The following BMPER variants were observed in gnomAD, a reference collection of about 807,000 sequenced individuals.
BMPER encodes BMP-binding endothelial regulator protein.
In BMPER, 45 loss-of-function variants were observed where a neutral mutation model predicts 87.3. That is an observed-to-expected ratio of 0.52 (90% CI 0.41 to 0.66). BMPER has a LOEUF of 0.66. Among genes scored for constraint, BMPER ranks in the 30% least tolerant of loss-of-function variants. The pLI, the probability that BMPER is intolerant of heterozygous loss-of-function variation, is 0.00. For synonymous variants in BMPER, 326 were observed against 316.2 expected (o/e 1.03, Z -0.33); for missense variants, 784 against 867.5 (o/e 0.90, Z 1.21).
intron 13 of BMPER, among the ~76,000 whole-genome samples, chr7:34,118,883 T>G (rs1790184658): frequency 6.6e-6 from 1 of 152,052 alleles, no homozygotes; most frequent in South Asian, 2.1e-4. Context: ...AAATGCAGCG[T>G]CACCTCTTGC....
intron 6 of BMPER, among the ~76,000 whole-genome samples, chr7:34,008,297 CAT>C (rs1562686202): frequency 6.6e-6 from 1 of 152,038 alleles, no homozygotes; most frequent in East Asian, 1.9e-4. Context: ...CCTTTTGTGA[CAT>C]GTGTGACATT....
At position 34,079,090 on chromosome 7, in the gene BMPER, G is replaced by A. The variant is rs373894849; in HGVS notation, c.1312G>A (p.Val438Met). Residue 438 changes from valine (V) to methionine (M), a missense_variant, in exon 12 of 15, where the codon GTG becomes ATG. Transcript: ENST00000649409. The part of the protein sequence containing the change: ...SRVSLQQHLT[V>M]RWNGSRIALP... Reference sequence around the variant, plus strand: ...GGTCAGCCTGCAGCAGCACCTCACCGTGCGCTGGAACGGCTCGCGCATCGC... The same window carrying A: ...GGTCAGCCTGCAGCAGCACCTCACCATGCGCTGGAACGGCTCGCGCATCGC... The A allele has an allele frequency of 1.2e-6, 2 of 1,613,988 alleles. No individual in the cohort carries two copies. Among genetic ancestry groups the A allele is most frequent in the African/African-American group, 1.3e-5 (1 of 75,036 alleles).
intron 2 of BMPER, 38 bp downstream of exon 2, chr7:33,906,941 C>T (rs562137362): frequency 6.6e-7 from 1 of 1,519,292 alleles, no homozygotes; most frequent in Admixed American, 1.7e-5. Context: ...CTCAACTGCT[C>T]TCTCTGATAA....
chr7:33,995,703 G>C (rs1786390670), intron 6 of BMPER, among the ~76,000 whole-genome samples: 1 of 152,156 alleles, frequency 6.6e-6, no homozygotes, highest in Admixed American at 6.5e-5. Context: ...AGATGTTAAG[G>C]TGTTGCTTCC....
intron 13 of BMPER, among the ~76,000 whole-genome samples, chr7:34,098,689 A>G: frequency 6.6e-6 from 1 of 152,134 alleles, no homozygotes; most frequent in East Asian, 1.9e-4. Flanking sequence ...GGGCCAGAAG[A>G]CCTTTCAGAA....
chr7:34,119,707 G>T (rs1562756263), intron 13 of BMPER, among the ~76,000 whole-genome samples: 1 of 152,086 alleles, frequency 6.6e-6, no homozygotes, highest in Non-Finnish European at 1.5e-5. Context: ...AAAGATGAAA[G>T]ACAAAAATTC....
intron 13 of BMPER, among the ~76,000 whole-genome samples, chr7:34,101,553 CTG>C (rs1180739581): frequency 6.6e-6 from 1 of 152,220 alleles, no homozygotes; most frequent in Non-Finnish European, 1.5e-5. Context: ...TCACTTGTGT[CTG>C]CTTTGTCCTT....
rs569109264 is a variant in BMPER, at chr7:34,149,036, A to G, written c.1877-4056A>G. On this transcript the variant is annotated intron_variant, in intron 14 of 14. Coordinates refer to ENST00000649409, the MANE Select transcript of BMPER (RefSeq NM_001365308.1). ...TATCATTAATATGAAATCCCCATCCAGGAGGCATGCATTGAGCTGCTCCCC... is the reference window on the plus strand; with the variant it reads ...TATCATTAATATGAAATCCCCATCCGGGAGGCATGCATTGAGCTGCTCCCC... Among the ~76,000 whole-genome samples, 3 of 152,294 alleles carry G rather than the reference A, an allele frequency of 2.0e-5. No homozygotes were observed. In the South Asian group the frequency reaches 6.2e-4, roughly 32 times the overall value.
At chr7:34,119,546 A>C (rs1288452242) in intron 13 of BMPER, among the ~76,000 whole-genome samples, 2 of 152,206 alleles carry the variant, frequency 1.3e-5, no homozygotes, top group Non-Finnish European at 1.5e-5. Context: ...CTTCATGCAC[A>C]TGTGCTTTCT....
Position 33,990,346 on chromosome 7 carries a change from G to T in BMPER, c.576+15562G>T, listed in dbSNP as rs1384493246. On this transcript the variant is annotated intron_variant, in intron 6 of 14. Transcript: ENST00000649409. Reference sequence around the variant, plus strand: ...GGTCCTTCACATCCCTTGTAAGTTGGATTCCTAGGTATTTTATTCTCTTTG... The same window carrying T: ...GGTCCTTCACATCCCTTGTAAGTTGTATTCCTAGGTATTTTATTCTCTTTG... 5.9e-3 allele frequency among the ~76,000 whole-genome samples: 819 copies of T among 137,998 alleles called. 7 individuals carry two copies. The highest frequency in any genetic ancestry group is 0.021 in the African/African-American group (782 of 36,688). 90.5% of individuals were successfully genotyped at this position (137,998 alleles called of 152,430 possible). A position where few individuals can be genotyped will look rare whatever the true frequency, so the allele number is the denominator to read the frequency against.
At chr7:34,024,267 A>C (rs1400634353) in intron 6 of BMPER, among the ~76,000 whole-genome samples, 1 of 145,692 alleles carries the variant, frequency 6.9e-6, no homozygotes, top group Non-Finnish European at 1.5e-5. Flanking sequence ...CTGAGGAAGG[A>C]GAACTGCTTG....
intron 11 of BMPER, among the ~76,000 whole-genome samples, chr7:34,072,980 C>T (rs993530843): frequency 2.0e-5 from 3 of 152,064 alleles, no homozygotes; most frequent in Non-Finnish European, 4.4e-5. Flanking sequence ...CTAATAGTCT[C>T]TTTATTCTGA....
chr7:34,083,128 A>G (rs1746233128), intron 12 of BMPER, among the ~76,000 whole-genome samples: 2 of 152,236 alleles, frequency 1.3e-5, no homozygotes, highest in South Asian at 4.1e-4. Flanking sequence ...TGAGTGTATC[A>G]GTGTTACCGG....
intron 6 of BMPER, among the ~76,000 whole-genome samples, chr7:34,020,350 G>C (rs1787146301): frequency 6.6e-6 from 1 of 151,988 alleles, no homozygotes; most frequent in Admixed American, 6.6e-5. Context: ...AGCTTTAAGG[G>C]ATGGGGGCAC....
intron 3 of BMPER, among the ~76,000 whole-genome samples, chr7:33,939,099 A>G (rs1784684403): frequency 6.6e-6 from 1 of 152,132 alleles, no homozygotes; most frequent in African/African-American, 2.4e-5. Flanking sequence ...AGATGCATTT[A>G]CCGTACTGCA....
At position 34,153,286 on chromosome 7, in the gene BMPER, T is replaced by C. The variant is rs1484767245; in HGVS notation, c.*13T>C. 3 of 1,613,658 alleles carry C rather than the reference T, an allele frequency of 1.9e-6. No individual in the cohort carries two copies. Among genetic ancestry groups the C allele is most frequent in the Non-Finnish European group, 8.5e-7 (1 of 1,179,868 alleles). On this transcript the variant is annotated 3_prime_UTR_variant, in exon 15 of 15. Coordinates refer to ENST00000649409, the MANE Select transcript of BMPER (RefSeq NM_001365308.1). ...TCCCCAGCGGTGACCTTTGTTTCGA[T>C]CCTTAAGACTCTGAAATCTGGTGAC...
chr7:34,070,543 G>GA (rs1788709880), intron 11 of BMPER, among the ~76,000 whole-genome samples: 1 of 152,026 alleles, frequency 6.6e-6, no homozygotes, highest in Non-Finnish European at 1.5e-5. Context: ...ACCCCTGTCA[G>GA]AACCCAAACT....
chr7:33,972,043 C>T (rs560400825), intron 5 of BMPER, among the ~76,000 whole-genome samples: 35 of 152,240 alleles, frequency 2.3e-4, no homozygotes, highest in South Asian at 8.3e-4. Context: ...GCTGGGACTA[C>T]AGGCACCCGC....
Position 33,998,581 on chromosome 7 carries a change from TACAAATCC to T in BMPER, c.576+23803_576+23810del, listed in dbSNP as rs1786483915. On this transcript the variant is annotated intron_variant, in intron 6 of 14. Coordinates refer to ENST00000649409, the MANE Select transcript of BMPER (RefSeq NM_001365308.1). ...CAGATTGGATTACCTCCTCTAACTTTACAAATCCACAAACACTTCAAACAAACCTCTCC... is the reference window on the plus strand; with the variant it reads ...CAGATTGGATTACCTCCTCTAACTTTACAAACACTTCAAACAAACCTCTCC... Among the ~76,000 whole-genome samples the T allele has an allele frequency of 2.0e-5, 3 of 152,334 alleles. No individual in the cohort carries two copies. The South Asian group carries it at 6.2e-4, about 32-fold the overall frequency.
Sources: gnomAD v4.1 joint callset for allele counts (sites outside exome capture counted in the v4.1 genomes callset) on GRCh38, gnomAD v4.1.1 for gene constraint, MANE v1.5 for transcripts, NCBI Gene and HGNC (gene_info 2026-07-23, HGNC 2026-07-21) for gene names.